Variants in CD34 observed in about 807,000 individuals in gnomAD.
The protein encoded by CD34 is CD34 molecule, also known as hematopoietic progenitor cell antigen CD34.
CD34 carries 34 observed loss-of-function variants against 40.1 expected under a neutral mutation model. The ratio of observed to expected loss-of-function variants is 0.85; its 90% CI spans 0.65 to 1.13. The LOEUF is 1.13. Among genes scored for constraint, CD34 ranks in the 50% most tolerant of loss-of-function variants. The pLI, the probability that CD34 is intolerant of heterozygous loss-of-function variation, is 0.00. For missense variants in CD34, 426 were observed against 466.9 expected (o/e 0.91, Z 0.81); for synonymous variants, 209 against 190.0 (o/e 1.10, Z -0.82).
At chr1:207,902,123 C>T (rs1055902205) in intron 1 of CD34, among the ~76,000 whole-genome samples, 7 of 152,230 alleles carry the variant, frequency 4.6e-5, no homozygotes, top group African/African-American at 1.7e-4. Flanking sequence ...TTAATGGTGA[C>T]TGCAGCAATC....
At chr1:207,894,295 A>G (rs1474753404) in intron 4 of CD34, among the ~76,000 whole-genome samples, 1 of 152,248 alleles carries the variant, frequency 6.6e-6, no homozygotes, top group African/African-American at 2.4e-5. Flanking sequence ...GAAATCAACC[A>G]GTCACATAAC....
chr1:207,890,178 C>T lies in CD34; in HGVS notation c.598-557G>A, dbSNP rs185839205. 139 of 1,021,154 alleles carry T rather than the reference C, an allele frequency of 1.4e-4. No homozygotes were observed. In the African/African-American group the frequency reaches 2.2e-3, roughly 16 times the overall value. The allele number at this position is 1,021,154 out of a possible 1,614,324, so 63.3% of individuals were successfully genotyped here. On this transcript the variant is annotated intron_variant, in intron 4 of 7. Transcript: ENST00000310833. ...TTGTCTCGTCTTCCATCTCTGTTTT[C>T]CATTAAAAGCATGGAACCCAGTTTT...
Position 207,884,350 on chromosome 1 carries a change from G to T in CD34, c.*3388C>A, listed in dbSNP as rs1164058570. The T allele has an allele frequency of 6.6e-6, 1 of 152,314 alleles. No homozygotes were observed. The highest frequency in any genetic ancestry group is 2.4e-5 in the African/African-American group (1 of 41,566). 9.4% of individuals were successfully genotyped at this position (152,314 alleles called of 1,614,324 possible). On this transcript the variant is annotated 3_prime_UTR_variant, in exon 8 of 8. Transcript: ENST00000310833. ...TGTATATACTTACTGAGATGACATT[G>T]TTTACTGTCCTCTTCTGCTAGAATT... is the stretch of plus-strand genomic sequence containing the variant.
intron 1 of CD34, among the ~76,000 whole-genome samples, chr1:207,903,366 AAG>A (rs1355654738): frequency 2.6e-5 from 4 of 152,166 alleles, no homozygotes; most frequent in African/African-American, 9.6e-5. Flanking sequence ...GTCACATCCT[AAG>A]AGACAATTGA....
At position 207,887,873 on chromosome 1, in the gene CD34, T is replaced by C. The variant is rs1661935418; in HGVS notation, c.1023A>G (p.Ser341=). 1 of 1,614,194 alleles carries C rather than the reference T, an allele frequency of 6.2e-7. No homozygotes were observed. The highest frequency in any genetic ancestry group is 1.6e-4 in the Middle Eastern group (1 of 6,062). The part of the protein sequence containing the change: ...TENGGGQGYS[S]GPGTSPEAQG... ...GAGCCTCAGGGGAGGTCCCAGGTCC[T>C]GAGCTATAGCCCTGGCCTCCACCGT... is the stretch of plus-strand genomic sequence containing the variant. Residue 341 remains serine (S), a synonymous_variant, in exon 8 of 8, where the codon TCA becomes TCG. Transcript: ENST00000310833.
intron 6 of CD34, 112 bp from the exon 7 acceptor site, chr1:207,888,958 C>T: frequency 1.8e-6 from 2 of 1,134,378 alleles, no homozygotes; most frequent in Non-Finnish European, 2.6e-6. Context: ...AGGGCATTGA[C>T]CTCAGGAATT....
At chr1:207,888,885 C>G in intron 6 of CD34, 39 bp from the exon 7 acceptor site, 1 of 1,605,212 alleles carries the variant, frequency 6.2e-7, no homozygotes, top group Non-Finnish European at 8.5e-7. Context: ...CTGTCACTTG[C>G]CAAAAGTGGA....
intron 4 of CD34, among the ~76,000 whole-genome samples, chr1:207,894,795 A>G (rs986784612): frequency 2.6e-5 from 4 of 152,014 alleles, no homozygotes; most frequent in African/African-American, 9.7e-5. Context: ...CTGGCTGCCT[A>G]GAGATGATGG....
At chr1:207,888,034 G>T (rs374906492) in intron 7 of CD34, 111 bp from the exon 8 acceptor site, 31 of 1,576,206 alleles carry the variant, frequency 2.0e-5, no homozygotes, top group Middle Eastern at 1.9e-4. Context: ...AAGGGGGAGG[G>T]GGAGGTGGGA....
At position 207,883,011 on chromosome 1, in the gene CD34, A is replaced by G. The variant is rs1379317095; in HGVS notation, c.*4727T>C. 2 of 152,206 alleles carry G rather than the reference A, an allele frequency of 1.3e-5. No homozygotes were observed. The highest frequency in any genetic ancestry group is 2.9e-5 in the Non-Finnish European group (2 of 68,034). The allele number at this position is 152,206 out of a possible 1,614,324, so 9.4% of individuals were successfully genotyped here. ...AGGTGCCTGGCATAGTACCTGGCTT[A>G]TAATAAGCACTCAAATATTTTTTGA... On this transcript the variant is annotated 3_prime_UTR_variant, in exon 8 of 8. Transcript: ENST00000310833.
chr1:207,889,253 C>G, intron 5 of CD34, 40 bp from the exon 6 acceptor site: 2 of 1,613,860 alleles, frequency 1.2e-6, no homozygotes, highest in Non-Finnish European at 1.7e-6. Flanking sequence ...TAAAGAGAAA[C>G]CAGCTTATCC....
chr1:207,887,600 A>G lies in CD34; in HGVS notation c.*138T>C. 7.9e-7 allele frequency: 1 copy of G among 1,268,906 alleles called. No homozygotes were observed. The highest frequency in any genetic ancestry group is 1.5e-5 in the South Asian group (1 of 68,328). 78.6% of individuals were successfully genotyped at this position (1,268,906 alleles called of 1,614,324 possible). A position where few individuals can be genotyped will look rare whatever the true frequency, so the allele number is the denominator to read the frequency against. ...CCCCTCCTCAAGGTGTAGGGCCCCAAGAACAGCCTCTGAGGTGTGTGCAGT... is the reference window on the plus strand; with the variant it reads ...CCCCTCCTCAAGGTGTAGGGCCCCAGGAACAGCCTCTGAGGTGTGTGCAGT... On this transcript the variant is annotated 3_prime_UTR_variant, in exon 8 of 8. Transcript: ENST00000310833.
chr1:207,908,053 G>C (rs990588732), intron 1 of CD34, among the ~76,000 whole-genome samples: 1 of 152,168 alleles, frequency 6.6e-6, no homozygotes, highest in African/African-American at 2.4e-5. Flanking sequence ...CCAGCTCAGG[G>C]TCTAAAGGAA....
chr1:207,904,530 C>G (rs569307877), intron 1 of CD34, among the ~76,000 whole-genome samples: 68 of 152,302 alleles, frequency 4.5e-4, no homozygotes, highest in African/African-American at 1.6e-3. Context: ...TAAACCTCAC[C>G]TGTAAAACAG....
rs1453483110 is a variant in CD34, at chr1:207,881,032, AGTTTTTAAATTT to A, written c.*6694_*6705del. ...ACAACAAAACATTTTATGAGGTTCC[AGTTTTTAAATTT>A]GAGTTTATTAAATTACATATAGCTG... On this transcript the variant is annotated 3_prime_UTR_variant, in exon 8 of 8. Coordinates refer to ENST00000310833, the MANE Select transcript of CD34 (RefSeq NM_001025109.2). 2.6e-5 allele frequency: 4 copies of A among 152,216 alleles called. No individual in the cohort carries two copies. The highest frequency in any genetic ancestry group is 1.3e-4 in the Admixed American group (2 of 15,288). 9.4% of individuals were successfully genotyped at this position (152,216 alleles called of 1,614,324 possible).
intron 5 of CD34, 30 bp downstream of exon 5, chr1:207,889,435 C>A (rs1047872859): frequency 1.3e-6 from 2 of 1,592,744 alleles, no homozygotes; most frequent in Non-Finnish European, 1.7e-6. Flanking sequence ...CTACTCCTTC[C>A]CTGTTCCCCC....
In CD34 at chr1:207,907,293, G is replaced by C. The variant is rs76625011; in HGVS notation, c.79+3709C>G. 6.0e-3 allele frequency among the ~76,000 whole-genome samples: 913 copies of C among 152,198 alleles called. 6 individuals are homozygous for C. The highest frequency in any genetic ancestry group is 0.021 in the African/African-American group (866 of 41,514). On this transcript the variant is annotated intron_variant, in intron 1 of 7. Transcript: ENST00000310833. ...CCTCCACCCACCACTGTCCTGCTAT[G>C]ACTCCAGGCACCTCTCCACCCTTTA...
Position 207,899,238 on chromosome 1 carries a change from C to A in CD34, c.263-12G>T. Reference sequence around the variant, plus strand: ...TTTGACTGTCGTTTCTGGAAGAGACCAAAACATGGGTGTGCATGTGTGCAT... The same window carrying A: ...TTTGACTGTCGTTTCTGGAAGAGACAAAAACATGGGTGTGCATGTGTGCAT... On this transcript the variant is annotated splice_polypyrimidine_tract_variant and intron_variant, in intron 2 of 7. Transcript: ENST00000310833. 2 of 1,613,142 alleles carry A rather than the reference C, an allele frequency of 1.2e-6. No homozygotes were observed. The highest frequency in any genetic ancestry group is 2.2e-5 in the South Asian group (2 of 90,868).
In CD34 at chr1:207,887,594, G is replaced by A; in HGVS notation, c.*144C>T. 8.5e-7 allele frequency: 1 copy of A among 1,170,732 alleles called. No homozygotes were observed. The highest frequency in any genetic ancestry group is 1.2e-6 in the Non-Finnish European group (1 of 839,666). 72.5% of individuals were successfully genotyped at this position (1,170,732 alleles called of 1,614,324 possible). On this transcript the variant is annotated 3_prime_UTR_variant, in exon 8 of 8. Coordinates refer to ENST00000310833, the MANE Select transcript of CD34 (RefSeq NM_001025109.2). ...TACCTGCCCCTCCTCAAGGTGTAGG[G>A]CCCCAAGAACAGCCTCTGAGGTGTG...
Sources: gnomAD v4.1 joint callset for allele counts (sites outside exome capture counted in the v4.1 genomes callset) on GRCh38, gnomAD v4.1.1 for gene constraint, MANE v1.5 for transcripts, NCBI Gene and HGNC (gene_info 2026-07-23, HGNC 2026-07-21) for gene names.